ZRANB3: variants seen among roughly 807,000 people sequenced by gnomAD.
The protein encoded by ZRANB3 is DNA annealing helicase and endonuclease ZRANB3.
ZRANB3 carries 125 observed loss-of-function variants against 133.8 expected under a neutral mutation model. The ratio of observed to expected loss-of-function variants is 0.93; its 90% CI spans 0.81 to 1.08. ZRANB3 has a LOEUF of 1.08. Ranked by LOEUF, ZRANB3 falls within the 50% of genes least tolerant of loss-of-function variation. The pLI is 0.00. For synonymous variants in ZRANB3, 387 were observed against 432.7 expected (o/e 0.89, Z 1.31); for missense variants, 1,229 against 1,275.5 (o/e 0.96, Z 0.56).
chr2:135,382,748 T>C (rs893442161), intron 3 of ZRANB3, among the ~76,000 whole-genome samples: 1 of 152,154 alleles, frequency 6.6e-6, no homozygotes, highest in Non-Finnish European at 1.5e-5. Context: ...CTAAGCTTCA[T>C]AAGTGAAGGA....
intron 6 of ZRANB3, among the ~76,000 whole-genome samples, chr2:135,332,695 A>G (rs1229576533): frequency 6.6e-6 from 1 of 152,154 alleles, no homozygotes; most frequent in Non-Finnish European, 1.5e-5. Context: ...CTACCTGGTA[A>G]ATTGAGACAT....
intron 8 of ZRANB3, among the ~76,000 whole-genome samples, chr2:135,291,850 G>T (rs1279943938): frequency 6.6e-6 from 1 of 151,800 alleles, no homozygotes; most frequent in African/African-American, 2.4e-5. Context: ...GCGGTGTTTG[G>T]TTTTTTCTCC....
intron 12 of ZRANB3, among the ~76,000 whole-genome samples, chr2:135,243,711 T>C (rs1205609558): frequency 6.6e-6 from 1 of 152,042 alleles, no homozygotes; most frequent in African/African-American, 2.4e-5. Flanking sequence ...CTTAGCCTTC[T>C]GGGCTCAAGA....
chr2:135,409,577 C>T (rs1404903978), intron 2 of ZRANB3, among the ~76,000 whole-genome samples: 4 of 152,146 alleles, frequency 2.6e-5, no homozygotes, highest in East Asian at 3.9e-4. Context: ...AGAACTGGAA[C>T]GAGACTAAGA....
At chr2:135,269,181 C>G in intron 10 of ZRANB3, 40 bp from the exon 11 acceptor site, 2 of 1,499,498 alleles carry the variant, frequency 1.3e-6, no homozygotes, top group Non-Finnish European at 1.8e-6. Context: ...ATGTAACATA[C>G]AGCCAATATA....
chr2:135,205,204 T>C (rs1157423624), intron 19 of ZRANB3, among the ~76,000 whole-genome samples: 1 of 152,202 alleles, frequency 6.6e-6, no homozygotes, highest in Non-Finnish European at 1.5e-5. Context: ...CTGGCAGGAA[T>C]TCATCCAATA....
At chr2:135,230,469 C>T in intron 13 of ZRANB3, 44 bp downstream of exon 13, 1 of 1,442,602 alleles carries the variant, frequency 6.9e-7, no homozygotes, top group Non-Finnish European at 9.1e-7. Context: ...TCTGAAGACA[C>T]CACTAACAGC....
At chr2:135,375,782 G>GTTC (rs1274552088) in intron 3 of ZRANB3, among the ~76,000 whole-genome samples, 2 of 151,822 alleles carry the variant, frequency 1.3e-5, no homozygotes, top group African/African-American at 4.8e-5. Flanking sequence ...TTGAACCCCG[G>GTTC]GAGACGGAGG....
At chr2:135,403,751 A>G (rs1329698013) in intron 2 of ZRANB3, among the ~76,000 whole-genome samples, 1 of 152,094 alleles carries the variant, frequency 6.6e-6, no homozygotes, top group Non-Finnish European at 1.5e-5. Flanking sequence ...CTCTGAGACA[A>G]AACTTCCAGA....
chr2:135,266,327 T>C (rs1352824746), intron 11 of ZRANB3, among the ~76,000 whole-genome samples: 1 of 152,202 alleles, frequency 6.6e-6, no homozygotes, highest in African/African-American at 2.4e-5. Flanking sequence ...AACCTTTTAC[T>C]CCCTAACATA....
intron 2 of ZRANB3, among the ~76,000 whole-genome samples, chr2:135,468,257 T>G (rs1691087622): frequency 6.6e-6 from 1 of 152,244 alleles, no homozygotes. Context: ...ATTACTCTTC[T>G]GTATAATGTT....
chr2:135,511,551 G>A (rs958240242), intron 1 of ZRANB3: 2 of 1,021,456 alleles, frequency 2.0e-6, no homozygotes, highest in Admixed American at 3.4e-5. Flanking sequence ...CTTGCTATCT[G>A]AAGATATCAT....
intron 3 of ZRANB3, 118 bp downstream of exon 3, chr2:135,390,684 T>C: frequency 1.6e-6 from 2 of 1,249,212 alleles, no homozygotes; most frequent in Non-Finnish European, 2.2e-6. Context: ...TTTCTCTCTC[T>C]CCCCATCCCC....
intron 2 of ZRANB3, among the ~76,000 whole-genome samples, chr2:135,458,410 C>T (rs1373680468): frequency 6.6e-6 from 1 of 151,118 alleles, no homozygotes; most frequent in African/African-American, 2.4e-5. Context: ...AAAAAAAAGG[C>T]AACTGGAATC....
intron 12 of ZRANB3, among the ~76,000 whole-genome samples, chr2:135,248,144 G>T (rs1240423892): frequency 6.6e-6 from 1 of 152,134 alleles, no homozygotes; most frequent in East Asian, 1.9e-4. Context: ...GGACTGGAGG[G>T]GCCCTCAGCT....
chr2:135,297,018 G>A (rs980444665), intron 8 of ZRANB3, among the ~76,000 whole-genome samples: 59 of 152,200 alleles, frequency 3.9e-4, no homozygotes, highest in African/African-American at 1.4e-3. Flanking sequence ...AGGCTACTCG[G>A]GGGTCAGGGA....
intron 2 of ZRANB3, among the ~76,000 whole-genome samples, chr2:135,456,632 T>C (rs1690530683): frequency 6.6e-6 from 1 of 152,150 alleles, no homozygotes; most frequent in Admixed American, 6.5e-5. Context: ...ATGCCAGCCA[T>C]GGGAAGCTGT....
At chr2:135,494,579 T>G (rs1692580727) in intron 2 of ZRANB3, among the ~76,000 whole-genome samples, 1 of 152,174 alleles carries the variant, frequency 6.6e-6, no homozygotes. Context: ...TGTTACATAC[T>G]AAACAACTGT....
chr2:135,259,670 G>A (rs541769898), intron 12 of ZRANB3, among the ~76,000 whole-genome samples: 17 of 151,754 alleles, frequency 1.1e-4, no homozygotes, highest in African/African-American at 3.4e-4. Context: ...CGCCCGCCTC[G>A]GCCTCTCAAA....
Sources: gnomAD v4.1 joint callset for allele counts (sites outside exome capture counted in the v4.1 genomes callset) on GRCh38, gnomAD v4.1.1 for gene constraint, MANE v1.5 for transcripts, NCBI Gene and HGNC (gene_info 2026-07-23, HGNC 2026-07-21) for gene names.